Variants in ABCC2 observed in about 807,000 individuals in gnomAD.
ABCC2 encodes ATP-binding cassette sub-family C member 2.
A neutral mutation model predicts 173.4 loss-of-function variants in ABCC2; 157 were observed. The observed-to-expected ratio is 0.91, with a 90% CI of 0.80 to 1.03. The LOEUF (loss-of-function observed/expected upper bound fraction) is 1.03. Ranked by LOEUF, ABCC2 falls within the 50% of genes least tolerant of loss-of-function variation. The pLI is 0.00. For synonymous variants in ABCC2, 657 were observed against 693.5 expected, an observed-to-expected ratio of 0.95 and a Z score of 0.83; for missense variants, 1,822 against 1,852.3, an observed-to-expected ratio of 0.98 and a Z score of 0.30.
chr10:99,803,236 T>C (rs1000729869), intron 9 of ABCC2, among the ~76,000 whole-genome samples: 7 of 152,242 alleles, frequency 4.6e-5, no homozygotes, highest in Admixed American at 2.0e-4. Context: ...TCCAAAGTGC[T>C]AGGATTACAG....
At chr10:99,800,647 G>A (rs2038002043) in intron 9 of ABCC2, 84 bp downstream of exon 9, 1 of 1,480,672 alleles carries the variant, frequency 6.8e-7, no homozygotes, top group Non-Finnish European at 9.4e-7. Context: ...AAAATGTGAT[G>A]GAAATGGTAA....
intron 21 of ABCC2, among the ~76,000 whole-genome samples, chr10:99,831,180 C>T (rs1048330788): frequency 3.3e-5 from 5 of 152,072 alleles, no homozygotes; most frequent in Admixed American, 2.6e-4. Context: ...ATTTCAAGGT[C>T]GGCAGTAGAA....
chr10:99,807,659 G>A (rs922949594), intron 12 of ABCC2, 138 bp downstream of exon 12: 31 of 1,230,204 alleles, frequency 2.5e-5, no homozygotes, highest in Non-Finnish European at 3.1e-5. Context: ...CCCTCTCACC[G>A]CCCCATGCCA....
chr10:99,795,801 A>AAGAAAGAAAGAG lies in ABCC2; in HGVS notation c.633-1293_633-1292insAAGAAAGAGAGA, dbSNP rs58906337. Among the ~76,000 whole-genome samples the AAGAAAGAAAGAG allele has an allele frequency of 3.7e-4, 38 of 102,390 alleles. 1 individual carries two copies. The highest frequency in any genetic ancestry group is 6.6e-4 in the African/African-American group (18 of 27,328). 67.2% of individuals were successfully genotyped at this position (102,390 alleles called of 152,430 possible). A position where few individuals can be genotyped will look rare whatever the true frequency, so the allele number is the denominator to read the frequency against. ...AAAGAAAGAAAGAAAGAAAGAAAGA[A>AAGAAAGAAAGAG]AGATTTCTAAATGCTAGATTTCAGT... On this transcript the variant is annotated intron_variant, in intron 6 of 31. Transcript: ENST00000647814.
intron 30 of ABCC2, among the ~76,000 whole-genome samples, chr10:99,848,760 A>C (rs2039051461): frequency 6.6e-6 from 1 of 152,152 alleles, no homozygotes; most frequent in Admixed American, 6.5e-5. Flanking sequence ...TGTAGCCCAG[A>C]CCAACTGAAT....
Position 99,836,279 on chromosome 10 carries a change from C to T in ABCC2, c.3603C>T (p.Ile1201=). The T allele has an allele frequency of 6.2e-7, 1 of 1,614,166 alleles. No individual in the cohort carries two copies. Among genetic ancestry groups the T allele is most frequent in the Non-Finnish European group, 8.5e-7 (1 of 1,180,030 alleles). ...ACCAGAAATGTGTCTTTTCCTGGAT[C>T]ACCTCCAACAGGTGAGGCTTCCCCT... The part of the protein sequence containing the change: ...DTNQKCVFSW[I]TSNRWLAIRL... The change falls in exon 25 of 32, where the codon ATC becomes ATT. Residue 1201 remains isoleucine (I), a synonymous_variant. Transcript: ENST00000647814.
chr10:99,830,263 G>A (rs11597282), intron 19 of ABCC2, 44 bp from the exon 20 acceptor site: 49,720 of 1,613,100 alleles, frequency 0.031, 943 homozygotes, highest in Non-Finnish European at 0.036. Context: ...GGACTGACAG[G>A]GATCTATGCA....
Position 99,797,312 on chromosome 10 carries a change from G to A in ABCC2, c.848G>A (p.Ser283Asn). The A allele has an allele frequency of 1.2e-6, 2 of 1,613,010 alleles. No homozygotes were observed. The highest frequency in any genetic ancestry group is 1.7e-6 in the Non-Finnish European group (2 of 1,179,578). The stretch of plus-strand genomic sequence containing the variant: ...GGCTTGAACAAGAATCAGAGTCAAA[G>A]CCAAGATGCCCTTGTCCTGGTAACT... ...LPGLNKNQSQ[S>N]QDALVLEDVE... Residue 283 changes from serine (S) to asparagine (N), a missense_variant, in exon 7 of 32, where the codon AGC becomes AAC. Physicochemically the swap from Ser to Asn is conservative, Grantham distance 46. Coordinates refer to ENST00000647814, the MANE Select transcript of ABCC2 (RefSeq NM_000392.5).
chr10:99,835,963 C>G lies in ABCC2; in HGVS notation c.3415-128C>G, dbSNP rs2038813768. 4.3e-6 allele frequency: 4 copies of G among 921,188 alleles called. No homozygotes were observed. In the Admixed American group the frequency reaches 7.9e-5, roughly 18 times the overall value. The allele number at this position is 921,188 out of a possible 1,614,324, so 57.1% of individuals were successfully genotyped here. ...CTGCTCCCAGACATGGCACTGCAGG[C>G]TTTTGTCTTGTTCAGACGTAAGCTG... is the stretch of plus-strand genomic sequence containing the variant. On this transcript the variant is annotated intron_variant, in intron 24 of 31. Coordinates refer to ENST00000647814, the MANE Select transcript of ABCC2 (RefSeq NM_000392.5).
intron 23 of ABCC2, 138 bp downstream of exon 23, chr10:99,832,269 T>A: frequency 8.8e-7 from 1 of 1,136,750 alleles, no homozygotes; most frequent in Non-Finnish European, 1.3e-6. Context: ...GTTTCTTGAG[T>A]ACCTGCTGTG....
chr10:99,791,364 C>A (rs566451591), intron 2 of ABCC2, among the ~76,000 whole-genome samples: 1 of 152,146 alleles, frequency 6.6e-6, no homozygotes, highest in East Asian at 1.9e-4. Context: ...GCCGAGACTG[C>A]GCCTCTGCAC....
rs778971877 is a variant in ABCC2, at chr10:99,843,917, A to G, written c.3843+17A>G. ...GAAAATGAGGTAAGGAGGAACTGGAAAAATCCAGGAACAAGGCAAAAACAA... is the reference window on the plus strand; with the variant it reads ...GAAAATGAGGTAAGGAGGAACTGGAGAAATCCAGGAACAAGGCAAAAACAA... On this transcript the variant is annotated intron_variant, in intron 27 of 31. Transcript: ENST00000647814. 1 of 1,599,278 alleles carries G rather than the reference A, an allele frequency of 6.3e-7. No individual in the cohort carries two copies. Among genetic ancestry groups the G allele is most frequent in the South Asian group, 1.1e-5 (1 of 90,808 alleles).
At chr10:99,838,419 G>A (rs1590187611) in intron 25 of ABCC2, among the ~76,000 whole-genome samples, 4 of 118,098 alleles carry the variant, frequency 3.4e-5, no homozygotes, top group Admixed American at 7.7e-5. Flanking sequence ...GCGGCTGGCC[G>A]GGCGGGGGGC....
intron 19 of ABCC2, among the ~76,000 whole-genome samples, chr10:99,829,311 G>C (rs897698155): frequency 6.6e-6 from 1 of 152,140 alleles, no homozygotes; most frequent in Non-Finnish European, 1.5e-5. Context: ...GCCAAGGAGA[G>C]GGGGGACAGA....
chr10:99,811,679 T>C (rs1241038317), intron 15 of ABCC2, 77 bp downstream of exon 15: 17 of 1,497,596 alleles, frequency 1.1e-5, no homozygotes, highest in Non-Finnish European at 1.6e-5. Context: ...TTCCATGTAA[T>C]AGAATGCATG....
chr10:99,831,807 A>C lies in ABCC2; in HGVS notation c.3080A>C (p.Tyr1027Ser), dbSNP rs778404603. ...CAGAGGGACATGAGAGTTGGAGTCT[A>C]CGGAGCTCTGGGATTAGCCCAAGGT... is the stretch of plus-strand genomic sequence containing the variant. ...ASQRDMRVGVYGALGLAQGIF... is the reference protein window; with the variant it reads ...ASQRDMRVGVSGALGLAQGIF... The change falls in exon 22 of 32, where the codon TAC becomes TCC. Residue 1027 changes from tyrosine (Y) to serine (S), a missense_variant. Tyr to Ser is a moderately radical substitution (Grantham distance 144, BLOSUM62 -2). Transcript: ENST00000647814. The C allele has an allele frequency of 1.2e-6, 2 of 1,614,224 alleles. No individual in the cohort carries two copies. The highest frequency in any genetic ancestry group is 1.7e-6 in the Non-Finnish European group (2 of 1,180,032).
intron 11 of ABCC2, among the ~76,000 whole-genome samples, chr10:99,806,911 G>A (rs1183319142): frequency 1.3e-5 from 2 of 152,226 alleles, no homozygotes; most frequent in African/African-American, 4.8e-5. Flanking sequence ...GTCCTTCTGT[G>A]AATGTGGCAA....
rs2038722843 is a variant in ABCC2 at position 99,830,658 on chromosome 10, GC to G, written c.2748-57del. 13 of 1,612,792 alleles carry G rather than the reference GC, an allele frequency of 8.1e-6. No individual in the cohort carries two copies. In the Admixed American group the frequency reaches 8.3e-5, roughly 10 times the overall value. ...TGCCAGCTGAGTGACTGTGACATCT[GC>G]TTGCAAGAAGACCCTTGGGAATTGC... On this transcript the variant is annotated intron_variant, in intron 20 of 31. Transcript: ENST00000647814.
chr10:99,841,067 A>G (rs1044531426), intron 25 of ABCC2, among the ~76,000 whole-genome samples: 2 of 152,072 alleles, frequency 1.3e-5, no homozygotes, highest in Non-Finnish European at 2.9e-5. Flanking sequence ...ACCCCAGTAT[A>G]TCTCCCTGTG....
Sources: allele counts gnomAD v4.1 joint callset (sites outside exome capture counted in the v4.1 genomes callset), GRCh38; gene constraint gnomAD v4.1.1; transcripts MANE v1.5; gene names NCBI Gene and HGNC (gene_info 2026-07-23, HGNC 2026-07-21).